The following SPATA16 variants were observed in gnomAD, a reference collection of about 807,000 sequenced individuals.
SPATA16 encodes spermatogenesis associated 16.
A neutral mutation model predicts 63.3 loss-of-function variants in SPATA16; 36 were observed. The observed-to-expected ratio is 0.57, with a 90% CI of 0.44 to 0.75. The LOEUF (loss-of-function observed/expected upper bound fraction) is 0.75. SPATA16 is among the 30% of genes least tolerant of loss of function. The pLI is 0.00. For missense variants in SPATA16, 646 were observed against 679.3 expected (o/e 0.95, Z 0.54); for synonymous variants, 203 against 216.7 (o/e 0.94, Z 0.56).
chr3:173,118,295 A>G (rs1737961084), intron 1 of SPATA16, among the ~76,000 whole-genome samples: 1 of 152,244 alleles, frequency 6.6e-6, no homozygotes, highest in Non-Finnish European at 1.5e-5. Flanking sequence ...TAAAAAGCTC[A>G]TAGACAACTA....
At chr3:172,893,035 T>TA (rs1560058695) in intron 10 of SPATA16, among the ~76,000 whole-genome samples, 1 of 152,212 alleles carries the variant, frequency 6.6e-6, no homozygotes, top group Non-Finnish European at 1.5e-5. Flanking sequence ...TGACCCATCA[T>TA]ATGACTGTTG....
At chr3:172,994,171 A>G (rs1310598727) in intron 4 of SPATA16, among the ~76,000 whole-genome samples, 1 of 152,188 alleles carries the variant, frequency 6.6e-6, no homozygotes, top group East Asian at 1.9e-4. Context: ...TTCAAGATTT[A>G]GATACCAAGA....
At chr3:173,093,192 T>C (rs1332982375) in intron 2 of SPATA16, among the ~76,000 whole-genome samples, 1 of 152,104 alleles carries the variant, frequency 6.6e-6, no homozygotes, top group Non-Finnish European at 1.5e-5. Flanking sequence ...TAAAATGTTC[T>C]TTAAATGAAA....
In SPATA16 at chr3:173,004,670, T is replaced by G. The variant is rs376974775; in HGVS notation, c.848+14816A>C. On this transcript the variant is annotated intron_variant, in intron 4 of 10. Coordinates refer to ENST00000351008, the MANE Select transcript of SPATA16 (RefSeq NM_031955.6). ...GAAACTCATTGTTTTTTGAGGTAGC[T>G]TCATCTGTCTTCAAAGAGCTCTAAT... 1.4e-4 allele frequency among the ~76,000 whole-genome samples: 22 copies of G among 152,320 alleles called. 4 individuals carry two copies. The highest frequency in any genetic ancestry group is 6.2e-4 in the South Asian group (3 of 4,828).
intron 8 of SPATA16, among the ~76,000 whole-genome samples, chr3:172,921,980 A>G (rs746737072): frequency 5.9e-5 from 9 of 152,236 alleles, no homozygotes; most frequent in Non-Finnish European, 8.8e-5. Flanking sequence ...GTCATTTGGT[A>G]TCTGACAAGA....
chr3:173,051,434 C>T (rs1271253956), intron 2 of SPATA16, among the ~76,000 whole-genome samples: 1 of 152,164 alleles, frequency 6.6e-6, no homozygotes, highest in Admixed American at 6.5e-5. Flanking sequence ...GGTCTTCTGA[C>T]CTTGTGATCC....
At chr3:172,934,301 GT>G (rs1732933835) in intron 6 of SPATA16, among the ~76,000 whole-genome samples, 2 of 152,146 alleles carry the variant, frequency 1.3e-5, no homozygotes, top group African/African-American at 4.8e-5. Context: ...TGTTCTGGAA[GT>G]GTAATGACTT....
chr3:173,065,397 C>T (rs754020425), intron 2 of SPATA16, among the ~76,000 whole-genome samples: 1 of 152,030 alleles, frequency 6.6e-6, no homozygotes, highest in African/African-American at 2.4e-5. Context: ...ATCCCAATTT[C>T]GAGATCAGTA....
intron 2 of SPATA16, among the ~76,000 whole-genome samples, chr3:173,050,123 T>C (rs561432504): frequency 6.6e-6 from 1 of 152,188 alleles, no homozygotes; most frequent in Non-Finnish European, 1.5e-5. Flanking sequence ...AATTTTCTTT[T>C]ATAGGTTAAG....
At chr3:172,959,787 C>CATATATATATATATATAT (rs66806016) in intron 5 of SPATA16, among the ~76,000 whole-genome samples, 147 of 135,456 alleles carry the variant, frequency 1.1e-3, no homozygotes, top group Middle Eastern at 4.1e-3. Context: ...AGTAATATAA[C>CATATATATATATATATAT]ATATATATAT....
chr3:173,095,585 G>A (rs1737332730), intron 2 of SPATA16, among the ~76,000 whole-genome samples: 1 of 151,948 alleles, frequency 6.6e-6, no homozygotes, highest in Non-Finnish European at 1.5e-5. Flanking sequence ...ATCAATCATT[G>A]CCACCAGTCA....
intron 4 of SPATA16, among the ~76,000 whole-genome samples, chr3:173,005,268 G>A (rs1468119272): frequency 6.8e-6 from 1 of 147,466 alleles, no homozygotes; most frequent in African/African-American, 2.5e-5. Context: ...AGGTTGCAGT[G>A]AGCTGAGATT....
chr3:172,986,729 A>G (rs952830178), intron 4 of SPATA16, among the ~76,000 whole-genome samples: 12 of 152,246 alleles, frequency 7.9e-5, no homozygotes, highest in African/African-American at 2.6e-4. Context: ...CCTGTGGGTA[A>G]TGGGGAGCTG....
At chr3:173,069,053 T>C (rs1736600962) in intron 2 of SPATA16, among the ~76,000 whole-genome samples, 1 of 146,494 alleles carries the variant, frequency 6.8e-6, no homozygotes, top group Non-Finnish European at 1.5e-5. Context: ...GAGCTTGCAG[T>C]GAGCTGAGAT....
chr3:173,038,655 T>C (rs187662637), intron 3 of SPATA16, among the ~76,000 whole-genome samples: 1 of 152,154 alleles, frequency 6.6e-6, no homozygotes, highest in East Asian at 1.9e-4. Context: ...ATCAAAATAG[T>C]TTTCTCCTTG....
intron 2 of SPATA16, among the ~76,000 whole-genome samples, chr3:173,075,156 T>TA (rs34537715): frequency 0.15 from 21,050 of 139,300 alleles, 1,735 homozygotes; most frequent in South Asian, 0.3. Flanking sequence ...GTTGAAATTA[T>TA]AAAAAAAAAA....
Position 172,950,343 on chromosome 3 carries a change from T to G in SPATA16, c.1081+6334A>C, listed in dbSNP as rs540440679. On this transcript the variant is annotated intron_variant, in intron 6 of 10. Transcript: ENST00000351008. Reference sequence around the variant, plus strand: ...TGGGAAGATCAACGTTTTAATATTTTAAGAAAAGAGAATTTAGCCCCATAG... The same window carrying G: ...TGGGAAGATCAACGTTTTAATATTTGAAGAAAAGAGAATTTAGCCCCATAG... 3.7e-3 allele frequency among the ~76,000 whole-genome samples: 558 copies of G among 152,306 alleles called. 2 individuals are homozygous for G. Among genetic ancestry groups the G allele is most frequent in the African/African-American group, 0.013 (534 of 41,576 alleles).
intron 4 of SPATA16, 121 bp from the exon 5 acceptor site, chr3:172,977,173 G>T: frequency 3.5e-6 from 3 of 850,540 alleles, no homozygotes; most frequent in Non-Finnish European, 5.6e-6. Context: ...AATTTGTCTA[G>T]ACTAATATTA....
intron 2 of SPATA16, among the ~76,000 whole-genome samples, chr3:173,053,480 T>C (rs1736147971): frequency 1.3e-5 from 2 of 152,170 alleles, no homozygotes; most frequent in African/African-American, 2.4e-5. Context: ...GAAATAAATA[T>C]CTAACTTACT....
Sources: allele counts gnomAD v4.1 joint callset (sites outside exome capture counted in the v4.1 genomes callset), GRCh38; gene constraint gnomAD v4.1.1; transcripts MANE v1.5; gene names NCBI Gene and HGNC (gene_info 2026-07-23, HGNC 2026-07-21).